Variants in GLIS3 observed in about 807,000 individuals in gnomAD.
GLIS3 encodes the protein zinc finger protein GLIS3.
In GLIS3, 53 loss-of-function variants were observed where a neutral mutation model predicts 78.6. That is an observed-to-expected ratio of 0.67 (90% CI 0.54 to 0.85). The LOEUF is 0.85. Among genes scored for constraint, GLIS3 ranks in the 40% least tolerant of loss-of-function variants. GLIS3 has a pLI of 0.00. For missense variants in GLIS3, 1,703 were observed against 1,231.1 expected, an observed-to-expected ratio of 1.38 and a Z score of -5.74; for synonymous variants, 684 against 509.9, an observed-to-expected ratio of 1.34 and a Z score of -4.60.
chr9:4,441,771 T>G, the GLIS3 span, among the ~76,000 whole-genome samples: 7,053 of 152,114 alleles, frequency 0.046, 228 homozygotes, highest in Non-Finnish European at 0.07. Context: ...CAAACCCAGC[T>G]CATTTTTGTA....
intron 4 of GLIS3, among the ~76,000 whole-genome samples, chr9:3,988,191 A>G (rs925432061): frequency 6.6e-6 from 1 of 152,080 alleles, no homozygotes; most frequent in African/African-American, 2.4e-5. Context: ...TATCCTTCAT[A>G]AATGAAAAAA....
intron 4 of GLIS3, among the ~76,000 whole-genome samples, chr9:4,038,870 G>A (rs528709983): frequency 2.3e-4 from 35 of 152,260 alleles, no homozygotes; most frequent in African/African-American, 8.2e-4. Context: ...GAAGATGACA[G>A]ACTGGGCTCC....
the GLIS3 span, among the ~76,000 whole-genome samples, chr9:4,397,065 T>C: frequency 6.6e-3 from 917 of 138,038 alleles, 48 homozygotes; most frequent in Admixed American, 0.061. Context: ...TCGCTCTGTC[T>C]CCCAGGCTGG....
intron 1 of GLIS3, 84 bp from the exon 2 acceptor site, chr9:4,286,607 A>G (rs1828024579): frequency 4.2e-6 from 3 of 708,578 alleles, no homozygotes; most frequent in Non-Finnish European, 7.2e-6. Flanking sequence ...TGTATCATTC[A>G]TAAGGAAGAA....
chr9:4,205,600 A>T (rs909383638), intron 2 of GLIS3, among the ~76,000 whole-genome samples: 2 of 152,210 alleles, frequency 1.3e-5, no homozygotes, highest in African/African-American at 4.8e-5. Flanking sequence ...AGCACGGAGG[A>T]GCTGAAGGAT....
chr9:4,237,467 G>C (rs915609832), intron 2 of GLIS3, among the ~76,000 whole-genome samples: 1 of 152,308 alleles, frequency 6.6e-6, no homozygotes, highest in East Asian at 1.9e-4. Flanking sequence ...TTACATGAAA[G>C]ATAGATGAAA....
intron 2 of GLIS3, among the ~76,000 whole-genome samples, chr9:4,334,961 T>C (rs1232007885): frequency 7.7e-6 from 1 of 130,674 alleles, no homozygotes; most frequent in Non-Finnish European, 1.5e-5. Flanking sequence ...CAGGCTGGAG[T>C]GCAGTGGTGT....
At chr9:4,206,580 A>C (rs142844834) in intron 2 of GLIS3, among the ~76,000 whole-genome samples, 190 of 152,332 alleles carry the variant, frequency 1.2e-3, no homozygotes, top group Middle Eastern at 6.8e-3. Context: ...GAGGTCAATG[A>C]AACAAGAGAA....
intron 4 of GLIS3, among the ~76,000 whole-genome samples, chr9:3,938,653 T>C (rs184312780): frequency 3.2e-4 from 48 of 152,376 alleles, no homozygotes; most frequent in African/African-American, 1.0e-3. Flanking sequence ...TTATACATGT[T>C]TCACAGACAT....
chr9:4,139,472 G>T (rs1387563937), intron 2 of GLIS3, among the ~76,000 whole-genome samples: 1 of 152,202 alleles, frequency 6.6e-6, no homozygotes, highest in Admixed American at 6.5e-5. Context: ...GGACACAACT[G>T]TTGATATGTC....
intron 7 of GLIS3, among the ~76,000 whole-genome samples, chr9:3,882,324 A>C (rs549270615): frequency 6.6e-6 from 1 of 152,322 alleles, no homozygotes; most frequent in South Asian, 2.1e-4. Flanking sequence ...GCCATTGGTC[A>C]AGATTAATTT....
intron 4 of GLIS3, among the ~76,000 whole-genome samples, chr9:3,964,647 A>G (rs1359721974): frequency 6.6e-6 from 1 of 152,224 alleles, no homozygotes; most frequent in Non-Finnish European, 1.5e-5. Context: ...TCTAGAACAT[A>G]CCTTGCCTGT....
At chr9:4,381,054 G>T in the GLIS3 span, among the ~76,000 whole-genome samples, 1 of 152,122 alleles carries the variant, frequency 6.6e-6, no homozygotes, top group Non-Finnish European at 1.5e-5. Flanking sequence ...TAAAAAGATA[G>T]GAGAAATTCA....
the GLIS3 span, among the ~76,000 whole-genome samples, chr9:4,376,114 G>C: frequency 6.6e-6 from 1 of 152,046 alleles, no homozygotes; most frequent in Non-Finnish European, 1.5e-5. Flanking sequence ...TTAGCAATCT[G>C]GATTGAAAAA....
chr9:4,406,814 G>C, the GLIS3 span, among the ~76,000 whole-genome samples: 1,773 of 152,168 alleles, frequency 0.012, 40 homozygotes, highest in African/African-American at 0.041. Flanking sequence ...CACAAAAATG[G>C]AAAGATACTC....
chr9:4,151,160 C>G (rs1834647051), intron 2 of GLIS3: 1 of 152,136 alleles, frequency 6.6e-6, no homozygotes, highest in South Asian at 2.1e-4. Flanking sequence ...CTGTTTCAGT[C>G]CACAGGTTGA....
Position 3,898,915 on chromosome 9 carries a change from T to C in GLIS3, c.1984-80A>G, listed in dbSNP as rs1217427439. ...TTTCCTGGGAAGGCATCATGCTCTA[T>C]CAGTGCAACTCAGCCCACAAAAATT... On this transcript the variant is annotated intron_variant, in intron 6 of 10. Transcript: ENST00000381971. 5 of 1,582,952 alleles carry C rather than the reference T, an allele frequency of 3.2e-6. No individual in the cohort carries two copies. The African/African-American group carries it at 6.7e-5, about 21-fold the overall frequency.
At chr9:3,996,356 A>C (rs1039519704) in intron 4 of GLIS3, among the ~76,000 whole-genome samples, 1 of 152,244 alleles carries the variant, frequency 6.6e-6, no homozygotes, top group East Asian at 1.9e-4. Flanking sequence ...AATATTCACC[A>C]TGAAAATAAT....
intron 2 of GLIS3, among the ~76,000 whole-genome samples, chr9:4,259,917 T>TA (rs1270787120): frequency 6.6e-6 from 1 of 152,254 alleles, no homozygotes. Context: ...AGGACCTACT[T>TA]ATGCTCTTAA....
Sources: allele counts gnomAD v4.1 joint callset (sites outside exome capture counted in the v4.1 genomes callset), GRCh38; gene constraint gnomAD v4.1.1; transcripts MANE v1.5; gene names NCBI Gene and HGNC (gene_info 2026-07-23, HGNC 2026-07-21).